The following PKHD1L1 variants were observed in gnomAD, a reference collection of about 807,000 sequenced individuals.
The protein encoded by PKHD1L1 is PKHD1 like 1.
A neutral mutation model predicts 462.9 loss-of-function variants in PKHD1L1; 434 were observed. The ratio of observed to expected loss-of-function variants is 0.94; its 90% CI spans 0.87 to 1.02. The LOEUF is 1.02. PKHD1L1 is among the 50% of genes least tolerant of loss of function. The pLI, the probability that PKHD1L1 is intolerant of heterozygous loss-of-function variation, is 0.00. For synonymous variants in PKHD1L1, 1,781 were observed against 1,750.0 expected (o/e 1.02, Z -0.44); for missense variants, 5,202 against 5,096.1 (o/e 1.02, Z -0.63).
intron 63 of PKHD1L1, among the ~76,000 whole-genome samples, chr8:109,495,603 G>C (rs1819042099): frequency 6.6e-6 from 1 of 152,084 alleles, no homozygotes; most frequent in African/African-American, 2.4e-5. Flanking sequence ...ATTTGTCCAT[G>C]CATCTATATT....
At chr8:109,466,447 CA>C (rs1817442533) in intron 49 of PKHD1L1, 130 bp from the exon 50 acceptor site, 3 of 905,640 alleles carry the variant, frequency 3.3e-6, no homozygotes, top group Non-Finnish European at 4.7e-6. Flanking sequence ...TGCAAACAAG[CA>C]AACAAACAAA....
rs928329680 is a variant in PKHD1L1 at position 109,466,716 on chromosome 8, A to G, written c.8552A>G (p.Gln2851Arg). Residue 2851 changes from glutamine to arginine, a missense_variant, in exon 50 of 78, where the codon CAG becomes CGG. Around this residue, in one of 3 missense-constraint regions of PKHD1L1, gnomAD observed 4,497 missense variants for 4,336.8 expected, o/e 1.04. Coordinates refer to ENST00000378402, the MANE Select transcript of PKHD1L1 (RefSeq NM_177531.6). ...SVSFHRLAFN[Q>R]PSPVSLLEKD... ...AGCTTTCACCGTTTAGCGTTCAACC[A>G]GCCTTCTCCAGTATCTCTGCTTGAA... is the stretch of plus-strand genomic sequence containing the variant. The G allele has an allele frequency of 2.5e-6, 4 of 1,612,878 alleles. No individual in the cohort carries two copies. The highest frequency in any genetic ancestry group is 3.4e-6 in the Non-Finnish European group (4 of 1,179,542).
Position 109,515,225 on chromosome 8 carries a change from A to G in PKHD1L1, c.11609A>G (p.Asn3870Ser). 3 of 1,604,776 alleles carry G rather than the reference A, an allele frequency of 1.9e-6. No individual in the cohort carries two copies. The highest frequency in any genetic ancestry group is 1.7e-5 in the Admixed American group (1 of 59,274). The change falls in exon 72 of 78, where the codon AAC becomes AGC. Residue 3870 changes from asparagine (N) to serine (S), a missense_variant. Transcript: ENST00000378402. ...STLQRLDVYV[N>S]NLLVCPKTTI... ...CTTCAACGTTTGGATGTCTATGTGA[A>G]CAACTTATTGGTCTGTCCAAAAACT...
chr8:109,454,253 A>C lies in PKHD1L1; in HGVS notation c.6744+7A>C, dbSNP rs1380620259. ...AGATGGAGGTGTTCTTCAGGTATTC[A>C]AAAGAACATAATACATATTCATTTC... On this transcript the variant is annotated splice_region_variant and intron_variant, in intron 44 of 77. Transcript: ENST00000378402. 1 of 1,576,568 alleles carries C rather than the reference A, an allele frequency of 6.3e-7. No homozygotes were observed. The highest frequency in any genetic ancestry group is 2.3e-5 in the East Asian group (1 of 44,320).
In PKHD1L1 at chr8:109,515,206, C is replaced by T. The variant is rs559437602; in HGVS notation, c.11590C>T (p.Arg3864Cys). ...AGGAATTTTCTTTTCCACACTTCAA[C>T]GTTTGGATGTCTATGTGAACAACTT... Reference protein sequence around the residue: ...LVGIFFSTLQRLDVYVNNLLV... With the variant: ...LVGIFFSTLQCLDVYVNNLLV... The change falls in exon 72 of 78, where the codon CGT (arginine) becomes TGT (cysteine). Residue 3864 changes from arginine (R) to cysteine (C), a missense_variant. Coordinates refer to ENST00000378402, the MANE Select transcript of PKHD1L1 (RefSeq NM_177531.6). The T allele has an allele frequency of 1.2e-4, 198 of 1,601,362 alleles. 1 individual carries two copies. The East Asian group carries it at 2.8e-3, about 22-fold the overall frequency.
intron 71 of PKHD1L1, among the ~76,000 whole-genome samples, chr8:109,513,971 C>T (rs1479270663): frequency 6.6e-6 from 1 of 152,100 alleles, no homozygotes; most frequent in Non-Finnish European, 1.5e-5. Flanking sequence ...GATCACGTCT[C>T]TCCCATGCCC....
At position 109,441,175 on chromosome 8, in the gene PKHD1L1, T is replaced by C. The variant is rs377618280; in HGVS notation, c.4100-100T>C. 3 of 798,808 alleles carry C rather than the reference T, an allele frequency of 3.8e-6. No homozygotes were observed. In the Admixed American group the frequency reaches 1.0e-4, roughly 27 times the overall value. 49.5% of individuals were successfully genotyped at this position (798,808 alleles called of 1,614,324 possible). A position where few individuals can be genotyped will look rare whatever the true frequency, so the allele number is the denominator to read the frequency against. On this transcript the variant is annotated intron_variant, in intron 33 of 77. Coordinates refer to ENST00000378402, the MANE Select transcript of PKHD1L1 (RefSeq NM_177531.6). ...ATATAAGGCAGAGTTTTTTTTAGGG[T>C]CTTGGCTGTTGATGAATTATGCTTC...
chr8:109,518,247 G>T lies in PKHD1L1; in HGVS notation c.11770G>T (p.Val3924Phe), dbSNP rs372048656. The T allele has an allele frequency of 4.3e-5, 70 of 1,611,164 alleles. No individual in the cohort carries two copies. Among genetic ancestry groups the T allele is most frequent in the Non-Finnish European group, 5.9e-5 (69 of 1,177,716 alleles). The change falls in exon 73 of 78, where the codon GTT (valine) becomes TTT (phenylalanine). Residue 3924 changes from valine to phenylalanine, a missense_variant. Val to Phe is a conservative substitution (Grantham distance 50). This residue lies in a region of PKHD1L1 where 698 missense variants were observed against 736.3 expected (regional missense o/e 0.95). Coordinates refer to ENST00000378402, the MANE Select transcript of PKHD1L1 (RefSeq NM_177531.6). ...AACCTACCAGATGCTTTATCTTTTG[G>T]TTAAAGGAACTATACCTGTTGAAAT... Reference protein sequence around the residue: ...DGTYQMLYLLVKGTIPVEIHT... With the variant: ...DGTYQMLYLLFKGTIPVEIHT...
At chr8:109,474,537 T>G (rs1457282) in intron 50 of PKHD1L1, among the ~76,000 whole-genome samples, 59,494 of 151,920 alleles carry the variant, frequency 0.39, 11,856 homozygotes, top group South Asian at 0.57. Context: ...TGTTCTTTAA[T>G]AATTCTAAAT....
intron 23 of PKHD1L1, among the ~76,000 whole-genome samples, chr8:109,424,639 T>G (rs1312686910): frequency 6.6e-6 from 1 of 152,202 alleles, no homozygotes; most frequent in Admixed American, 6.5e-5. Context: ...AGCCACTGTA[T>G]AAATCATAAA....
At chr8:109,371,518 A>G (rs1382787946) in intron 2 of PKHD1L1, among the ~76,000 whole-genome samples, 1 of 149,502 alleles carries the variant, frequency 6.7e-6, no homozygotes, top group Admixed American at 6.7e-5. Flanking sequence ...ATTAGATCCC[A>G]TTTGTCAATT....
At position 109,445,536 on chromosome 8, in the gene PKHD1L1, T is replaced by C. The variant is rs1816086702; in HGVS notation, c.5667T>C (p.Thr1889=). 5 of 1,613,364 alleles carry C rather than the reference T, an allele frequency of 3.1e-6. No homozygotes were observed. The East Asian group carries it at 8.9e-5, about 29-fold the overall frequency. ...ACTGCCGCACTCCCGCTGGGACCAC[T>C]GGAATGGTCGATGTTAAAATCTTTG... is the stretch of plus-strand genomic sequence containing the variant. ...EVYCRTPAGT[T]GMVDVKIFVN... The change falls in exon 38 of 78, where the codon ACT becomes ACC. Residue 1889 remains threonine (T), a synonymous_variant. Transcript: ENST00000378402.
At position 109,445,363 on chromosome 8, in the gene PKHD1L1, C is replaced by T. The variant is rs148982821; in HGVS notation, c.5494C>T (p.Pro1832Ser). 3.1e-3 allele frequency: 5,038 copies of T among 1,613,936 alleles called. 15 individuals are homozygous for T. The highest frequency in any genetic ancestry group is 5.4e-3 in the Admixed American group (323 of 60,004). The change falls in exon 38 of 78, where the codon CCA becomes TCA. Residue 1832 changes from proline to serine, a missense_variant. Physicochemically the swap from Pro to Ser is moderately conservative, Grantham distance 74 (BLOSUM62 -1). Transcript: ENST00000378402. ...GGGAAACCTGACTGTCAGCAGCCCC[C>T]CAGTAGCATCTCTATCACCAACTTC... ...ALGNLTVSSP[P>S]VASLSPTSGS... is the part of the protein sequence containing the mutation.
chr8:109,519,489 A>G (rs1311460161), intron 73 of PKHD1L1, among the ~76,000 whole-genome samples: 1 of 152,098 alleles, frequency 6.6e-6, no homozygotes, highest in African/African-American at 2.4e-5. Flanking sequence ...CTCTTGAGGT[A>G]CTACTGAACT....
In PKHD1L1 at chr8:109,480,110, GT is replaced by G; in HGVS notation, c.9302del (p.Leu3101Ter). 1.3e-6 allele frequency: 2 copies of G among 1,575,102 alleles called. No homozygotes were observed. The highest frequency in any genetic ancestry group is 1.7e-6 in the Non-Finnish European group (2 of 1,160,016). On this transcript the variant is annotated frameshift_variant, in exon 55 of 78. Transcript: ENST00000378402. LOFTEE classifies it high-confidence loss of function. ...TGCAGAATCTTCTTACAGAGAAGTT[GT>G]TTTGAATGCTACCTACATATCACTG... is the stretch of plus-strand genomic sequence containing the variant. ...GAAESSYREV[V>X]LNATYISLQG...
At chr8:109,434,747 G>A (rs1047451220) in intron 28 of PKHD1L1, among the ~76,000 whole-genome samples, 5 of 152,176 alleles carry the variant, frequency 3.3e-5, no homozygotes, top group African/African-American at 9.7e-5. Flanking sequence ...GGGATTACAG[G>A]CGTGAGCCAC....
At chr8:109,519,832 A>T (rs570753134) in intron 73 of PKHD1L1, among the ~76,000 whole-genome samples, 1 of 152,208 alleles carries the variant, frequency 6.6e-6, no homozygotes, top group African/African-American at 2.4e-5. Context: ...AGACATATAT[A>T]AACTGCAGCC....
intron 43 of PKHD1L1, among the ~76,000 whole-genome samples, chr8:109,453,781 T>A (rs1290540973): frequency 6.6e-6 from 1 of 152,224 alleles, no homozygotes; most frequent in Non-Finnish European, 1.5e-5. Flanking sequence ...GACATTATAA[T>A]GGTTTTTATA....
chr8:109,427,506 G>A (rs570353491), intron 25 of PKHD1L1, among the ~76,000 whole-genome samples: 45 of 152,248 alleles, frequency 3.0e-4, no homozygotes, highest in African/African-American at 1.1e-3. Flanking sequence ...GTCCCAAAGA[G>A]AATCAGCCTC....
Sources: gnomAD v4.1 joint callset for allele counts (sites outside exome capture counted in the v4.1 genomes callset) on GRCh38, gnomAD v4.1.1 for gene constraint, gnomAD v4.1.1 regional missense constraint, MANE v1.5 for transcripts, NCBI Gene and HGNC (gene_info 2026-07-23, HGNC 2026-07-21) for gene names.